The following TAS2R1 variants were observed in gnomAD, a reference collection of about 807,000 sequenced individuals.
TAS2R1 encodes taste receptor type 2 member 1.
For missense variants in TAS2R1, 370 were observed against 353.4 expected (o/e 1.05, Z -0.38); for synonymous variants, 141 against 134.2 (o/e 1.05, Z -0.35).
At chr5:9,781,284 GT>G in the TAS2R1 span, among the ~76,000 whole-genome samples, 4 of 152,114 alleles carry the variant, frequency 2.6e-5, no homozygotes, top group African/African-American at 9.7e-5. Context: ...GTCTGAAAAT[GT>G]TAGAATCATC....
At chr5:9,718,788 T>C in the TAS2R1 span, among the ~76,000 whole-genome samples, 7 of 152,050 alleles carry the variant, frequency 4.6e-5, no homozygotes, top group Non-Finnish European at 8.8e-5. Flanking sequence ...GGATGGCCGA[T>C]AACACACCTC....
intron 2 of TAS2R1, among the ~76,000 whole-genome samples, chr5:9,644,874 C>A (rs944418283): frequency 6.6e-6 from 1 of 152,118 alleles, no homozygotes; most frequent in Non-Finnish European, 1.5e-5. Context: ...GGAACTAGTA[C>A]TAGTCATGGT....
At chr5:9,757,071 T>C in the TAS2R1 span, among the ~76,000 whole-genome samples, 13 of 152,110 alleles carry the variant, frequency 8.5e-5, no homozygotes, top group Non-Finnish European at 1.6e-4. Flanking sequence ...TAAAGAATAA[T>C]CTTTCATTCT....
chr5:9,834,739 T>C, the TAS2R1 span, among the ~76,000 whole-genome samples: 1 of 138,424 alleles, frequency 7.2e-6, no homozygotes, highest in Non-Finnish European at 1.5e-5. Flanking sequence ...TCTCTGTAAA[T>C]GTTATTACTG....
the TAS2R1 span, among the ~76,000 whole-genome samples, chr5:9,746,949 A>G: frequency 2.0e-5 from 3 of 152,274 alleles, no homozygotes; most frequent in Non-Finnish European, 2.9e-5. Context: ...AAATTTAAAA[A>G]GAAAACACCC....
chr5:9,710,911 A>G (rs1289431823), intron 1 of TAS2R1, among the ~76,000 whole-genome samples: 11 of 142,382 alleles, frequency 7.7e-5, no homozygotes, highest in African/African-American at 2.9e-4. Flanking sequence ...ATATATAACC[A>G]GATTATATAT....
chr5:9,861,752 C>T, the TAS2R1 span, among the ~76,000 whole-genome samples: 1 of 152,188 alleles, frequency 6.6e-6, no homozygotes, highest in Non-Finnish European at 1.5e-5. Context: ...GACTTCTTTA[C>T]TCTCCTTTCA....
chr5:9,899,790 A>G, the TAS2R1 span, among the ~76,000 whole-genome samples: 3 of 152,172 alleles, frequency 2.0e-5, no homozygotes, highest in African/African-American at 4.8e-5. Context: ...AAGACACATA[A>G]TTGCCTTATA....
chr5:9,628,710 T>C lies in TAS2R1; in HGVS notation c.*423A>G, dbSNP rs959634823. Among the ~76,000 whole-genome samples the C allele has an allele frequency of 2.0e-5, 3 of 152,236 alleles. No homozygotes were observed. The highest frequency in any genetic ancestry group is 6.5e-5 in the Admixed American group (1 of 15,290). ...TCAAAGACAAGGCGTCAGATATTCA[T>C]GGACCATACAGCATTCATGTGTCCT... On this transcript the variant is annotated 3_prime_UTR_variant, in exon 1 of 1. Coordinates refer to ENST00000382492, the MANE Select transcript of TAS2R1 (RefSeq NM_019599.3).
At chr5:9,652,305 C>T (rs1271634266) in intron 2 of TAS2R1, among the ~76,000 whole-genome samples, 1 of 152,206 alleles carries the variant, frequency 6.6e-6, no homozygotes, top group African/African-American at 2.4e-5. Flanking sequence ...ATCTGAGCAG[C>T]TCTTTTTCCT....
chr5:9,753,300 T>G, the TAS2R1 span, among the ~76,000 whole-genome samples: 2 of 152,260 alleles, frequency 1.3e-5, no homozygotes, highest in Admixed American at 6.5e-5. Flanking sequence ...TGATGGCCAG[T>G]GATGATAAGC....
chr5:9,859,504 C>G, the TAS2R1 span, among the ~76,000 whole-genome samples: 2 of 152,120 alleles, frequency 1.3e-5, no homozygotes, highest in Non-Finnish European at 2.9e-5. Flanking sequence ...ATAAGTGCCC[C>G]AGATGGTTTG....
chr5:9,747,897 G>A, the TAS2R1 span, among the ~76,000 whole-genome samples: 1 of 152,018 alleles, frequency 6.6e-6, no homozygotes, highest in African/African-American at 2.4e-5. Flanking sequence ...TCAGCATGAG[G>A]ATAACTAGTG....
chr5:9,803,161 C>T, the TAS2R1 span, among the ~76,000 whole-genome samples: 1 of 152,092 alleles, frequency 6.6e-6, no homozygotes, highest in Non-Finnish European at 1.5e-5. Context: ...AGCTTGAAGA[C>T]CAGCCTTTGA....
At chr5:9,750,713 A>T in the TAS2R1 span, among the ~76,000 whole-genome samples, 1 of 152,196 alleles carries the variant, frequency 6.6e-6, no homozygotes, top group Non-Finnish European at 1.5e-5. Flanking sequence ...GAGCACTTCC[A>T]AAAGCAGTGA....
At chr5:9,902,569 A>G in the TAS2R1 span, 2 of 152,070 alleles carry the variant, frequency 1.3e-5, no homozygotes, top group African/African-American at 4.8e-5. Context: ...TTCTTCTTAG[A>G]TCCATCATAG....
intron 2 of TAS2R1, among the ~76,000 whole-genome samples, chr5:9,638,314 T>C (rs112942614): frequency 6.6e-6 from 1 of 152,214 alleles, no homozygotes; most frequent in Non-Finnish European, 1.5e-5. Flanking sequence ...TTCCAGCACC[T>C]GCTCTAGTGG....
chr5:9,817,440 G>GA, the TAS2R1 span, among the ~76,000 whole-genome samples: 2 of 152,132 alleles, frequency 1.3e-5, no homozygotes, highest in South Asian at 2.1e-4. Flanking sequence ...AACTGATCTA[G>GA]AAAAAATTAA....
chr5:9,735,100 C>G, the TAS2R1 span, among the ~76,000 whole-genome samples: 1 of 151,188 alleles, frequency 6.6e-6, no homozygotes, highest in Non-Finnish European at 1.5e-5. Flanking sequence ...AGAGAGCGAG[C>G]AAGGGGGAAG....
Sources: allele counts gnomAD v4.1 joint callset (sites outside exome capture counted in the v4.1 genomes callset), GRCh38; gene constraint gnomAD v4.1.1; transcripts MANE v1.5; gene names NCBI Gene and HGNC (gene_info 2026-07-23, HGNC 2026-07-21).